The following GRID2 variants were observed in gnomAD, a reference collection of about 807,000 sequenced individuals.
The protein encoded by GRID2 is glutamate ionotropic receptor delta type subunit 2.
A neutral mutation model predicts 114.8 loss-of-function variants in GRID2; 33 were observed. The ratio of observed to expected loss-of-function variants is 0.29; its 90% confidence interval spans 0.22 to 0.38. GRID2 has a LOEUF of 0.38. Ranked by LOEUF, GRID2 falls within the 10% of genes least tolerant of loss-of-function variation. GRID2 has a pLI of 1.00. For synonymous variants in GRID2, 505 were observed against 449.9 expected (o/e 1.12, Z -1.55); for missense variants, 1,184 against 1,257.7 (o/e 0.94, Z 0.89).
intron 10 of GRID2, among the ~76,000 whole-genome samples, chr4:93,424,147 AT>A (rs933528530): frequency 6.6e-6 from 1 of 151,834 alleles, no homozygotes; most frequent in African/African-American, 2.4e-5. Flanking sequence ...ACATATTTAT[AT>A]TTTATTAACC....
At chr4:93,429,926 A>T (rs1484552438) in intron 10 of GRID2, among the ~76,000 whole-genome samples, 2 of 152,172 alleles carry the variant, frequency 1.3e-5, no homozygotes, top group Non-Finnish European at 2.9e-5. Flanking sequence ...ATTGGAGTAT[A>T]ATAAGATACT....
At chr4:92,504,095 A>G (rs544379726) in intron 1 of GRID2, among the ~76,000 whole-genome samples, 1 of 152,286 alleles carries the variant, frequency 6.6e-6, no homozygotes, top group African/African-American at 2.4e-5. Context: ...CATAGAAAAG[A>G]AAAATCACAT....
rs371114225 is a variant in GRID2 at position 93,218,081 on chromosome 4, T to TA, written c.963+1176dup. Among the ~76,000 whole-genome samples, 747 of 152,120 alleles carry TA rather than the reference T, an allele frequency of 4.9e-3. 7 individuals carry two copies. Among genetic ancestry groups the TA allele is most frequent in the African/African-American group, 0.017 (722 of 41,524 alleles). On this transcript the variant is annotated intron_variant, in intron 6 of 15. Transcript: ENST00000282020. Reference sequence around the variant, plus strand: ...CTATCCTTAGTCACCTTTGAATTTTTAAAAAAGGATTTGCCATTTATCCAA... The same window carrying TA: ...CTATCCTTAGTCACCTTTGAATTTTTAAAAAAAGGATTTGCCATTTATCCAA...
At chr4:92,531,200 A>G (rs1725339689) in intron 1 of GRID2, among the ~76,000 whole-genome samples, 2 of 152,134 alleles carry the variant, frequency 1.3e-5, no homozygotes. Flanking sequence ...ATGTTGGATC[A>G]ATGAGTGTTT....
chr4:92,806,170 C>T (rs1578215674), intron 2 of GRID2, among the ~76,000 whole-genome samples: 1 of 114,418 alleles, frequency 8.7e-6, no homozygotes, highest in South Asian at 2.6e-4. Flanking sequence ...GCTATCGACA[C>T]ACACACACAC....
At chr4:92,316,615 C>T (rs1725995799) in intron 1 of GRID2, among the ~76,000 whole-genome samples, 1 of 152,098 alleles carries the variant, frequency 6.6e-6, no homozygotes, top group African/African-American at 2.4e-5. Context: ...TTAGAACTTT[C>T]AGGAGTATCT....
chr4:92,729,516 G>A (rs753022700), intron 2 of GRID2, among the ~76,000 whole-genome samples: 7 of 151,998 alleles, frequency 4.6e-5, no homozygotes, highest in African/African-American at 1.4e-4. Flanking sequence ...GGGATAAGAA[G>A]CATGTTTTGC....
At chr4:93,113,892 G>A (rs182279087) in intron 4 of GRID2, among the ~76,000 whole-genome samples, 73 of 152,232 alleles carry the variant, frequency 4.8e-4, no homozygotes, top group Admixed American at 3.0e-3. Context: ...ATAAAACCAC[G>A]GAGGCGGGGC....
chr4:93,096,832 G>A (rs1451452360), intron 3 of GRID2, among the ~76,000 whole-genome samples: 1 of 151,892 alleles, frequency 6.6e-6, no homozygotes, highest in Non-Finnish European at 1.5e-5. Flanking sequence ...AAATGAGAAT[G>A]TATAGCCACA....
chr4:92,696,815 A>G (rs1419792511), intron 2 of GRID2, among the ~76,000 whole-genome samples: 1 of 152,166 alleles, frequency 6.6e-6, no homozygotes, highest in Non-Finnish European at 1.5e-5. Flanking sequence ...AGATGATAGG[A>G]TATTCTACTA....
intron 2 of GRID2, among the ~76,000 whole-genome samples, chr4:92,723,057 T>G (rs1224232926): frequency 2.0e-5 from 3 of 152,156 alleles, no homozygotes; most frequent in Admixed American, 6.6e-5. Flanking sequence ...TGTGTACTTT[T>G]TTTTTTGAGG....
intron 13 of GRID2, among the ~76,000 whole-genome samples, chr4:93,544,023 C>T (rs940636948): frequency 6.6e-6 from 1 of 152,144 alleles, no homozygotes; most frequent in African/African-American, 2.4e-5. Flanking sequence ...AATTTTTGCA[C>T]ACTCTCTATA....
intron 2 of GRID2, among the ~76,000 whole-genome samples, chr4:92,786,545 T>C (rs1034050012): frequency 6.6e-6 from 1 of 151,888 alleles, no homozygotes; most frequent in Non-Finnish European, 1.5e-5. Context: ...AGAAAGAATA[T>C]TCAATTCAAA....
intron 4 of GRID2, among the ~76,000 whole-genome samples, chr4:93,132,989 G>T (rs926171514): frequency 2.0e-5 from 3 of 152,286 alleles, no homozygotes; most frequent in Admixed American, 6.5e-5. Flanking sequence ...TCACTTCTCT[G>T]TTAAGCAAAC....
intron 1 of GRID2, among the ~76,000 whole-genome samples, chr4:92,379,604 C>T (rs1398024582): frequency 6.6e-6 from 1 of 151,646 alleles, no homozygotes; most frequent in Non-Finnish European, 1.5e-5. Flanking sequence ...TATTATTTTA[C>T]AAGAAGAAAA....
In GRID2 at chr4:92,681,602, A is replaced by G. The variant is rs1733653190; in HGVS notation, c.244+91316A>G. ...TATACCTAATGTTAAATGATGAGTT[A>G]ATGGGTGCAGCACACCAACATGGCA... On this transcript the variant is annotated intron_variant, in intron 2 of 15. Transcript: ENST00000282020. Among the ~76,000 whole-genome samples the G allele has an allele frequency of 3.3e-5, 5 of 152,148 alleles. No individual in the cohort carries two copies. In the South Asian group the frequency reaches 1.0e-3, roughly 31 times the overall value.
intron 9 of GRID2, among the ~76,000 whole-genome samples, chr4:93,407,735 C>CCTCCTTCTCCTCCTCCTCCTCCTT (rs1347179573): frequency 1.7e-5 from 2 of 116,550 alleles, no homozygotes; most frequent in African/African-American, 7.3e-5. Flanking sequence ...TCCTCCTCCT[C>CCTCCTTCTCCTCCTCCTCCTCCTT]CTCCTCCTCC....
intron 1 of GRID2, among the ~76,000 whole-genome samples, chr4:92,515,096 T>C (rs1452327690): frequency 6.6e-6 from 1 of 151,910 alleles, no homozygotes. Flanking sequence ...TCGATACATA[T>C]AATGTTGTTA....
intron 1 of GRID2, among the ~76,000 whole-genome samples, chr4:92,444,919 A>G (rs1023543323): frequency 1.3e-5 from 2 of 152,086 alleles, no homozygotes; most frequent in Admixed American, 6.5e-5. Context: ...TTTTCAGACA[A>G]ATCTATGAGA....
Sources: gnomAD v4.1 joint callset for allele counts (sites outside exome capture counted in the v4.1 genomes callset) on GRCh38, gnomAD v4.1.1 for gene constraint, MANE v1.5 for transcripts, NCBI Gene and HGNC (gene_info 2026-07-23, HGNC 2026-07-21) for gene names.